Variants in CA4 observed in about 807,000 individuals in gnomAD.
CA4 encodes the protein carbonic anhydrase 4.
CA4 carries 24 observed loss-of-function variants against 34.5 expected under a neutral mutation model. The ratio of observed to expected loss-of-function variants is 0.70; its 90% confidence interval spans 0.50 to 0.98. The LOEUF is 0.98. CA4 is among the 50% of genes least tolerant of loss of function. The pLI is 0.00. For missense variants in CA4, 394 were observed against 396.7 expected (o/e 0.99, Z 0.06); for synonymous variants, 178 against 170.6 (o/e 1.04, Z -0.34).
downstream of CA4, among the ~76,000 whole-genome samples, chr17:60,171,422 G>A (rs911739880): frequency 1.3e-5 from 2 of 152,186 alleles, no homozygotes; most frequent in African/African-American, 4.8e-5. Flanking sequence ...TGACTGCTCC[G>A]GGCACTCCCT....
At position 60,155,356 on chromosome 17, in the gene CA4, A is replaced by G; in HGVS notation, c.101A>G (p.Tyr34Cys). 3 of 1,608,092 alleles carry G rather than the reference A, an allele frequency of 1.9e-6. No homozygotes were observed. The highest frequency in any genetic ancestry group is 2.5e-6 in the Non-Finnish European group (3 of 1,177,606). Reference sequence around the variant, plus strand: ...GAGGTTCAAGCCGAGTCCTCCAACTACCCCTGCTTGGGTGAGTACAGCCAG... The same window carrying G: ...GAGGTTCAAGCCGAGTCCTCCAACTGCCCCTGCTTGGGTGAGTACAGCCAG... ...CYEVQAESSN[Y>C]PCLVPVKWGG... The change falls in exon 2 of 8, where the codon TAC becomes TGC. Residue 34 changes from tyrosine (Y) to cysteine (C), a missense_variant. Coordinates refer to ENST00000300900, the MANE Select transcript of CA4 (RefSeq NM_000717.5).
chr17:60,175,189 A>ATTT (rs555031745), downstream of CA4, among the ~76,000 whole-genome samples: 619 of 107,630 alleles, frequency 5.8e-3, 30 homozygotes, highest in African/African-American at 0.026. Context: ...CACCCAGCTG[A>ATTT]TTTTTTTTTT....
At position 60,155,424 on chromosome 17, in the gene CA4, C is replaced by T. The variant is rs574188723; in HGVS notation, c.112+57C>T. The T allele has an allele frequency of 5.9e-5, 84 of 1,412,000 alleles. No homozygotes were observed. In the East Asian group the frequency reaches 1.0e-3, roughly 17 times the overall value. 87.5% of individuals were successfully genotyped at this position (1,412,000 alleles called of 1,614,324 possible). Reference sequence around the variant, plus strand: ...TGTGCATGGTGGGCACCACGCAAGCCGAAATGGAGACCCCGGAAGAGTGGG... The same window carrying T: ...TGTGCATGGTGGGCACCACGCAAGCTGAAATGGAGACCCCGGAAGAGTGGG... On this transcript the variant is annotated intron_variant, in intron 2 of 7. Transcript: ENST00000300900.
intron 1 of CA4, among the ~76,000 whole-genome samples, chr17:60,152,066 C>T (rs1176246874): frequency 6.6e-6 from 1 of 151,888 alleles, no homozygotes; most frequent in Admixed American, 6.6e-5. Context: ...GGAGGGGTGG[C>T]AGGTCAGTCA....
intron 1 of CA4, 56 bp from the exon 2 acceptor site, chr17:60,155,258 T>C: frequency 6.6e-7 from 1 of 1,520,978 alleles, no homozygotes; most frequent in Non-Finnish European, 9.1e-7. Flanking sequence ...TCCTCCTGTG[T>C]GTGTGAGCAA....
the CA4 span, among the ~76,000 whole-genome samples, chr17:60,177,995 T>C: frequency 4.6e-5 from 7 of 152,090 alleles, no homozygotes; most frequent in Non-Finnish European, 7.4e-5. Flanking sequence ...ATAAATAATA[T>C]TTATACTTTT....
downstream of CA4, among the ~76,000 whole-genome samples, chr17:60,160,906 AGAGGGAGG>A (rs977779294): frequency 1.7e-5 from 2 of 120,820 alleles, no homozygotes; most frequent in Non-Finnish European, 3.4e-5. Flanking sequence ...AGGGAGGAGT[AGAGGGAGG>A]GAGGGAGGGA....
At chr17:60,161,766 C>T (rs942735325), downstream of CA4, among the ~76,000 whole-genome samples, 7 of 152,138 alleles carry the variant, frequency 4.6e-5, no homozygotes, top group African/African-American at 1.7e-4. Flanking sequence ...GGTGGTATTG[C>T]TGTTGCCATG....
intron 5 of CA4, among the ~76,000 whole-genome samples, chr17:60,169,250 C>CAA (rs1555574043): frequency 2.9e-4 from 36 of 122,914 alleles, no homozygotes; most frequent in Middle Eastern, 7.9e-3. Flanking sequence ...CCCTCTGTCT[C>CAA]AAAAAAAAAA....
rs765497362 is a variant in CA4, at chr17:60,156,633, G to A, written c.186G>A (p.Lys62=). 2 of 1,614,138 alleles carry A rather than the reference G, an allele frequency of 1.2e-6. No homozygotes were observed. Among genetic ancestry groups the A allele is most frequent in the Non-Finnish European group, 1.7e-6 (2 of 1,179,958 alleles). ...TCAACATCGTCACCACCAAGGCAAA[G>A]GTGGACAAAAAACTGGGACGCTTCT... is the stretch of plus-strand genomic sequence containing the variant. The part of the protein sequence containing the change: ...SPINIVTTKA[K]VDKKLGRFFF... The change falls in exon 3 of 8, where the codon AAG becomes AAA. Residue 62 remains lysine (K), a synonymous_variant. Coordinates refer to ENST00000300900, the MANE Select transcript of CA4 (RefSeq NM_000717.5).
rs1201502524 is a variant in CA4, at chr17:60,156,613, A to G, written c.166A>G (p.Ile56Val). ...GAAGGACCGCCAGTCCCCCATCAAC[A>G]TCGTCACCACCAAGGCAAAGGTGGA... Reference protein sequence around the residue: ...CQKDRQSPINIVTTKAKVDKK... With the variant: ...CQKDRQSPINVVTTKAKVDKK... Residue 56 changes from isoleucine (I) to valine (V), a missense_variant, in exon 3 of 8, where the codon ATC becomes GTC. Coordinates refer to ENST00000300900, the MANE Select transcript of CA4 (RefSeq NM_000717.5). The G allele has an allele frequency of 1.9e-6, 3 of 1,613,990 alleles. No homozygotes were observed. Among genetic ancestry groups the G allele is most frequent in the African/African-American group, 2.7e-5 (2 of 74,936 alleles).
downstream of CA4, among the ~76,000 whole-genome samples, chr17:60,175,347 T>C (rs1304349423): frequency 6.6e-6 from 1 of 151,882 alleles, no homozygotes; most frequent in African/African-American, 2.4e-5. Flanking sequence ...GGTGGGCAGA[T>C]AGCTTAAGCC....
chr17:60,164,907 C>A (rs942309681), intron 5 of CA4, among the ~76,000 whole-genome samples: 12 of 152,114 alleles, frequency 7.9e-5, no homozygotes, highest in Non-Finnish European at 1.8e-4. Flanking sequence ...GGGTGGAATC[C>A]CCCTCCATTG....
At chr17:60,177,950 T>C in the CA4 span, among the ~76,000 whole-genome samples, 2 of 152,098 alleles carry the variant, frequency 1.3e-5, no homozygotes, top group African/African-American at 4.8e-5. Flanking sequence ...TTCAAGTATA[T>C]ATTAAAAAAC....
intron 2 of CA4, 66 bp from the exon 3 acceptor site, chr17:60,156,494 G>T: frequency 6.6e-7 from 1 of 1,518,726 alleles, no homozygotes; most frequent in Admixed American, 1.7e-5. Context: ...GACTTCAGTG[G>T]GGTGGTGGGG....
At chr17:60,168,096 G>A (rs2083872914) in intron 5 of CA4, among the ~76,000 whole-genome samples, 1 of 151,872 alleles carries the variant, frequency 6.6e-6, no homozygotes, top group Non-Finnish European at 1.5e-5. Flanking sequence ...TGTAGGGGAG[G>A]AGGGACTCTG....
At chr17:60,158,731 G>A (rs996203794) in intron 7 of CA4, 142 of 519,340 alleles carry the variant, frequency 2.7e-4, no homozygotes, top group Non-Finnish European at 1.0e-4. Context: ...TGAGCCCAAA[G>A]GACCCAAATC....
Position 60,157,495 on chromosome 17 carries a change from C to G in CA4, c.337C>G (p.Gln113Glu), listed in dbSNP as rs2083709256. 1 of 1,614,210 alleles carries G rather than the reference C, an allele frequency of 6.2e-7. No individual in the cohort carries two copies. The change falls in exon 4 of 8, where the codon CAG becomes GAG. Residue 113 changes from glutamine (Q) to glutamate (E), a missense_variant. Coordinates refer to ENST00000300900, the MANE Select transcript of CA4 (RefSeq NM_000717.5). ...ACTGCCTGCCCCATACCAGGCCAAA[C>G]AGTTGCACCTGCACTGGTCCGACTT... Reference protein sequence around the residue: ...GGLPAPYQAKQLHLHWSDLPY... With the variant: ...GGLPAPYQAKELHLHWSDLPY...
chr17:60,175,189 A>ATTGTTTTTTTTTTTT (rs2083947090), downstream of CA4, among the ~76,000 whole-genome samples: 1 of 107,690 alleles, frequency 9.3e-6, no homozygotes, highest in African/African-American at 4.9e-5. Context: ...CACCCAGCTG[A>ATTGTTTTTTTTTTTT]TTTTTTTTTT....
Sources: allele counts gnomAD v4.1 joint callset (sites outside exome capture counted in the v4.1 genomes callset), GRCh38; gene constraint gnomAD v4.1.1; transcripts MANE v1.5; gene names NCBI Gene and HGNC (gene_info 2026-07-23, HGNC 2026-07-21).